The following CCKBR variants were observed in gnomAD, a reference collection of about 807,000 sequenced individuals.
CCKBR encodes the protein gastrin/cholecystokinin type B receptor.
Under a neutral mutation model 34.6 loss-of-function variants are expected in CCKBR, and 33 were observed. The ratio of observed to expected loss-of-function variants is 0.95; its 90% CI spans 0.72 to 1.27. CCKBR has a LOEUF of 1.27. Ranked by LOEUF, CCKBR falls within the 50% of genes most tolerant of loss-of-function variation. The probability of loss-of-function intolerance (pLI) is 0.00; values close to 1 mark genes in which losing one functional copy is unlikely to be tolerated. For synonymous variants in CCKBR, 269 were observed against 267.5 expected, an observed-to-expected ratio of 1.01 and a Z score of -0.06; for missense variants, 652 against 617.4, an observed-to-expected ratio of 1.06 and a Z score of -0.59.
At chr11:6,264,445 T>C (rs1204221475) in intron 1 of CCKBR, 1 of 632,008 alleles carries the variant, frequency 1.6e-6, no homozygotes, top group Non-Finnish European at 2.9e-6. Flanking sequence ...TCTGGATTTT[T>C]GCACTCATAC....
chr11:6,266,130 T>A (rs1401677566), intron 1 of CCKBR, among the ~76,000 whole-genome samples: 2 of 151,964 alleles, frequency 1.3e-5, no homozygotes, highest in Non-Finnish European at 2.9e-5. Flanking sequence ...ACTAATACAG[T>A]GAAAAATGCC....
At chr11:6,270,029 T>G in intron 2 of CCKBR, 59 bp from the exon 3 acceptor site, 1 of 1,587,698 alleles carries the variant, frequency 6.3e-7, no homozygotes, top group Non-Finnish European at 8.6e-7. Flanking sequence ...GAAGTCCCAC[T>G]GATGCTTGTG....
chr11:6,260,421 TC>T (rs1848112686), intron 1 of CCKBR, among the ~76,000 whole-genome samples: 1 of 152,098 alleles, frequency 6.6e-6, no homozygotes, highest in Non-Finnish European at 1.5e-5. Context: ...CCTGCAGATC[TC>T]CTTTTCCCTC....
At chr11:6,261,462 T>TATATATACACACACACACAC (rs764173521) in intron 1 of CCKBR, among the ~76,000 whole-genome samples, 17 of 63,986 alleles carry the variant, frequency 2.7e-4, no homozygotes, top group African/African-American at 7.2e-4. Context: ...AAAATATATA[T>TATATATACACACACACACAC]ACACACACAC....
chr11:6,260,305 C>G (rs1848110739), intron 1 of CCKBR, among the ~76,000 whole-genome samples: 1 of 152,020 alleles, frequency 6.6e-6, no homozygotes, highest in African/African-American at 2.4e-5. Flanking sequence ...CATCCTGGTC[C>G]CCTGAATACA....
In CCKBR at chr11:6,262,717, AGAGAG is replaced by A. The variant is rs1848154472; in HGVS notation, c.151+2639_151+2643del. On this transcript the variant is annotated intron_variant, in intron 1 of 4. Coordinates refer to ENST00000334619, the MANE Select transcript of CCKBR (RefSeq NM_176875.4). ...GAGAGAGAGAGAGAGAGAGAGAGAG[AGAGAG>A]AGAAAGAAAAGCAGGATATTGCCAA... 6.5e-4 allele frequency among the ~76,000 whole-genome samples: 94 copies of A among 144,036 alleles called. 1 individual carries two copies. The highest frequency in any genetic ancestry group is 2.9e-3 in the South Asian group (13 of 4,508). The allele number at this position is 144,036 out of a possible 152,430, so 94.5% of individuals were successfully genotyped here. A position where few individuals can be genotyped will look rare whatever the true frequency, so the allele number is the denominator to read the frequency against.
chr11:6,262,614 G>T (rs1403623510), intron 1 of CCKBR, among the ~76,000 whole-genome samples: 1 of 151,732 alleles, frequency 6.6e-6, no homozygotes, highest in Non-Finnish European at 1.5e-5. Context: ...GATTGGACTG[G>T]TGAGAGAAGG....
In CCKBR at chr11:6,270,151, T is replaced by C; in HGVS notation, c.467T>C (p.Ile156Thr). ...VAIALERYSA[I>T]CRPLQARVWQ... Reference sequence around the variant, plus strand: ...ATCGCACTGGAGCGGTACAGCGCCATCTGCCGACCACTGCAGGCACGAGTG... The same window carrying C: ...ATCGCACTGGAGCGGTACAGCGCCACCTGCCGACCACTGCAGGCACGAGTG... The change falls in exon 3 of 5, where the codon ATC (isoleucine) becomes ACC (threonine). Residue 156 changes from isoleucine (I) to threonine (T), a missense_variant. Physicochemically the swap from Ile to Thr is moderately conservative, Grantham distance 89. Transcript: ENST00000334619. 6.2e-7 allele frequency: 1 copy of C among 1,613,958 alleles called. No homozygotes were observed. The highest frequency in any genetic ancestry group is 8.5e-7 in the Non-Finnish European group (1 of 1,179,972).
In CCKBR at chr11:6,260,069, C is replaced by T. The variant is rs765920167; in HGVS notation, c.141C>T (p.Ala47=). Residue 47 remains alanine (A), a synonymous_variant, in exon 1 of 5, where the codon GCC becomes GCT. Transcript: ENST00000334619. ...GCGAGCCCCCTCGCATTCGCGGAGC[C>T]GGGACACGAGGTGGGTGCCTCCCTC... ...LSCEPPRIRG[A]GTRELELAIR... The T allele has an allele frequency of 3.8e-6, 6 of 1,593,052 alleles. No individual in the cohort carries two copies. The Admixed American group carries it at 5.1e-5, about 14-fold the overall frequency.
Position 6,270,411 on chromosome 11 carries a change from T to C in CCKBR, c.653+74T>C, listed in dbSNP as rs1317601586. On this transcript the variant is annotated intron_variant, in intron 3 of 4. Transcript: ENST00000334619. The stretch of plus-strand genomic sequence containing the variant: ...AGATGCTTACGACCATTGCCCAGAA[T>C]CTTCCTCCAGCTTCCCGGAGAATTA... The C allele has an allele frequency of 5.2e-6, 8 of 1,533,458 alleles. 1 individual carries two copies. The highest frequency in any genetic ancestry group is 6.2e-6 in the Non-Finnish European group (7 of 1,130,722). The allele number at this position is 1,533,458 out of a possible 1,614,324, so 95.0% of individuals were successfully genotyped here.
chr11:6,262,066 GAGAA>G (rs2133894603), intron 1 of CCKBR, among the ~76,000 whole-genome samples: 1 of 152,306 alleles, frequency 6.6e-6, no homozygotes, highest in South Asian at 2.1e-4. Flanking sequence ...TGTATACAAT[GAGAA>G]AGATAACAAA....
At chr11:6,262,937 G>T (rs1467787776) in intron 1 of CCKBR, among the ~76,000 whole-genome samples, 1 of 152,170 alleles carries the variant, frequency 6.6e-6, no homozygotes, top group African/African-American at 2.4e-5. Context: ...CTGTGAAAGC[G>T]GGATGTGACG....
At chr11:6,269,150 ATTT>A (rs540603471) in intron 1 of CCKBR, among the ~76,000 whole-genome samples, 39 of 43,232 alleles carry the variant, frequency 9.0e-4, no homozygotes, top group African/African-American at 1.9e-3. Context: ...TAAGTGAAGT[ATTT>A]TTTTTTTTTT....
At chr11:6,270,367 T>G (rs959514097) in intron 3 of CCKBR, 30 bp downstream of exon 3, 2 of 1,596,284 alleles carry the variant, frequency 1.3e-6, no homozygotes, top group Non-Finnish European at 1.7e-6. Flanking sequence ...ATCCTAGGAA[T>G]TCCTTTCTCA....
At chr11:6,263,515 G>A (rs919948274) in intron 1 of CCKBR, among the ~76,000 whole-genome samples, 3 of 149,646 alleles carry the variant, frequency 2.0e-5, no homozygotes, top group African/African-American at 7.5e-5. Context: ...TGTTGCCCAG[G>A]CTGGGGTGCA....
rs1848278086 is a variant in CCKBR, at chr11:6,270,311, G to A, written c.627G>A (p.Trp209Ter). The A allele has an allele frequency of 1.2e-6, 2 of 1,612,930 alleles. No individual in the cohort carries two copies. Among genetic ancestry groups the A allele is most frequent in the Non-Finnish European group, 1.7e-6 (2 of 1,179,802 alleles). ...GTGTGCTGCAGTGCGTGCATCGCTG[G>A]CCCAGTGCGCGGGTCCGCCAGACCT... is the stretch of plus-strand genomic sequence containing the variant. ...GPRVLQCVHRWPSARVRQTWS... is the reference protein window; with the variant it reads ...GPRVLQCVHR The change falls in exon 3 of 5, where the codon TGG becomes TGA. Residue 209 changes from tryptophan (W) to a stop codon, truncating the protein, a stop_gained. Coordinates refer to ENST00000334619, the MANE Select transcript of CCKBR (RefSeq NM_176875.4). LOFTEE classifies it high-confidence loss of function.
In CCKBR at chr11:6,269,849, C is replaced by T; in HGVS notation, c.332C>T (p.Thr111Ile). 1 of 1,614,136 alleles carries T rather than the reference C, an allele frequency of 6.2e-7. No individual in the cohort carries two copies. The highest frequency in any genetic ancestry group is 8.5e-7 in the Non-Finnish European group (1 of 1,180,004). Residue 111 changes from threonine to isoleucine, a missense_variant, in exon 2 of 5, where the codon ACC becomes ATC. Transcript: ENST00000334619. ...LLLAVACMPF[T>I]LLPNLMGTFI... Reference sequence around the variant, plus strand: ...CTGGCTGTGGCTTGCATGCCCTTCACCCTCCTGCCCAATCTCATGGGCACA... The same window carrying T: ...CTGGCTGTGGCTTGCATGCCCTTCATCCTCCTGCCCAATCTCATGGGCACA...
rs780428468 is a variant in CCKBR at position 6,260,046 on chromosome 11, G to C, written c.118G>C (p.Glu40Gln). 20 of 1,595,228 alleles carry C rather than the reference G, an allele frequency of 1.3e-5. No homozygotes were observed. The highest frequency in any genetic ancestry group is 1.4e-5 in the Non-Finnish European group (16 of 1,172,960). Residue 40 changes from glutamate to glutamine, a missense_variant, in exon 1 of 5, where the codon GAG becomes CAG. Physicochemically the swap from Glu to Gln is conservative, Grantham distance 29. Coordinates refer to ENST00000334619, the MANE Select transcript of CCKBR (RefSeq NM_176875.4). The part of the protein sequence containing the change: ...NSSSVGNLSC[E>Q]PPRIRGAGTR... ...CAGCAGTGTGGGCAACCTCAGCTGC[G>C]AGCCCCCTCGCATTCGCGGAGCCGG... is the stretch of plus-strand genomic sequence containing the variant.
At position 6,271,604 on chromosome 11, in the gene CCKBR, A is replaced by G. The variant is rs548851433; in HGVS notation, c.*61A>G. On this transcript the variant is annotated 3_prime_UTR_variant, in exon 5 of 5. Coordinates refer to ENST00000334619, the MANE Select transcript of CCKBR (RefSeq NM_176875.4). ...ATGACATGCACTGACCCTTCCAGAC[A>G]TACGAAACACAAACCACAACTGACA... is the stretch of plus-strand genomic sequence containing the variant. 2.3e-5 allele frequency: 34 copies of G among 1,463,754 alleles called. No homozygotes were observed. The highest frequency in any genetic ancestry group is 2.8e-5 in the African/African-American group (2 of 71,020). 90.7% of individuals were successfully genotyped at this position (1,463,754 alleles called of 1,614,324 possible).
Sources: allele counts gnomAD v4.1 joint callset (sites outside exome capture counted in the v4.1 genomes callset), GRCh38; gene constraint gnomAD v4.1.1; transcripts MANE v1.5; gene names NCBI Gene and HGNC (gene_info 2026-07-23, HGNC 2026-07-21).